The following AUTS2 variants were observed in gnomAD, a reference collection of about 807,000 sequenced individuals.
AUTS2 encodes activator of transcription and developmental regulator AUTS2, also known as autism susceptibility gene 2 protein.
AUTS2 carries 17 observed loss-of-function variants against 112.4 expected under a neutral mutation model. The observed-to-expected ratio is 0.15, with a 90% CI of 0.10 to 0.23. The LOEUF (loss-of-function observed/expected upper bound fraction) is 0.23. Ranked by LOEUF, AUTS2 falls within the 10% of genes least tolerant of loss-of-function variation. The pLI is 1.00. For missense variants in AUTS2, 1,510 were observed against 1,701.6 expected (o/e 0.89, Z 1.98); for synonymous variants, 751 against 702.7 (o/e 1.07, Z -1.09).
intron 1 of AUTS2, among the ~76,000 whole-genome samples, chr7:69,694,874 G>A (rs1285839315): frequency 3.3e-5 from 5 of 152,150 alleles, no homozygotes; most frequent in Non-Finnish European, 1.5e-5. Flanking sequence ...AACGCCAAAC[G>A]TCTTTGAAAT....
intron 2 of AUTS2, among the ~76,000 whole-genome samples, chr7:70,077,043 A>T (rs951771895): frequency 6.6e-6 from 1 of 152,286 alleles, no homozygotes; most frequent in South Asian, 2.1e-4. Flanking sequence ...AATTAGACTT[A>T]TTCTGGGGGG....
At chr7:70,520,652 T>C (rs1045938336) in intron 5 of AUTS2, among the ~76,000 whole-genome samples, 5 of 152,236 alleles carry the variant, frequency 3.3e-5, no homozygotes, top group Admixed American at 2.6e-4. Context: ...TGAGATTATT[T>C]TGACTTTTTA....
At chr7:70,214,301 C>G (rs759053629) in intron 4 of AUTS2, among the ~76,000 whole-genome samples, 1 of 152,140 alleles carries the variant, frequency 6.6e-6, no homozygotes, top group Non-Finnish European at 1.5e-5. Flanking sequence ...GGATTCCACC[C>G]AACCACATTT....
rs189613217 is a variant in AUTS2 at position 70,441,120 on chromosome 7, C to T, written c.690+5339C>T. On this transcript the variant is annotated intron_variant, in intron 5 of 18. Coordinates refer to ENST00000342771, the MANE Select transcript of AUTS2 (RefSeq NM_015570.4). Reference sequence around the variant, plus strand: ...TCTGTAGATACCGGGCATAAGTATACATGCAGTACACACATACACAATCTC... The same window carrying T: ...TCTGTAGATACCGGGCATAAGTATATATGCAGTACACACATACACAATCTC... Among the ~76,000 whole-genome samples the T allele has an allele frequency of 9.2e-5, 14 of 152,296 alleles. No homozygotes were observed. In the East Asian group the frequency reaches 2.7e-3, roughly 29 times the overall value.
chr7:70,548,861 A>G (rs1800900788), intron 5 of AUTS2, among the ~76,000 whole-genome samples: 1 of 150,632 alleles, frequency 6.6e-6, no homozygotes, highest in Non-Finnish European at 1.5e-5. Flanking sequence ...CTTTTTCAAG[A>G]TTGTTTTGGC....
chr7:70,091,606 A>G lies in AUTS2; in HGVS notation c.523-26526A>G, dbSNP rs1265649803. 3.3e-5 allele frequency among the ~76,000 whole-genome samples: 5 copies of G among 152,258 alleles called. No homozygotes were observed. The East Asian group carries it at 9.7e-4, about 29-fold the overall frequency. On this transcript the variant is annotated intron_variant, in intron 2 of 18. Coordinates refer to ENST00000342771, the MANE Select transcript of AUTS2 (RefSeq NM_015570.4). ...TCTGGGATTGCTGAGGTTTTCAAGG[A>G]AGCCAGGTACTAAACCACTCTGCTG...
chr7:70,535,596 G>A (rs932989554), intron 5 of AUTS2, among the ~76,000 whole-genome samples: 1 of 151,998 alleles, frequency 6.6e-6, no homozygotes, highest in African/African-American at 2.4e-5. Flanking sequence ...TGTATTTTTA[G>A]TAGAGACGGG....
At chr7:70,744,184 G>A (rs1204145104) in intron 6 of AUTS2, among the ~76,000 whole-genome samples, 1 of 152,210 alleles carries the variant, frequency 6.6e-6, no homozygotes, top group Non-Finnish European at 1.5e-5. Context: ...TTGTCCAAGT[G>A]TGGTGTTGAA....
At chr7:70,248,797 GATA>G (rs1335834589) in intron 4 of AUTS2, among the ~76,000 whole-genome samples, 6 of 152,114 alleles carry the variant, frequency 3.9e-5, no homozygotes, top group African/African-American at 7.2e-5. Context: ...GGAAAGGAAA[GATA>G]ATGATGAATA....
rs374412882 is a variant in AUTS2 at position 69,619,629 on chromosome 7, T to TGGCCTGATTATCCTCTGTG, written c.309+19673_309+19691dup. On this transcript the variant is annotated intron_variant, in intron 1 of 18. Coordinates refer to ENST00000342771, the MANE Select transcript of AUTS2 (RefSeq NM_015570.4). ...AGTGCTATCAATTATGTGTTATGTG[T>TGGCCTGATTATCCTCTGTG]GGCCTGATTATCCTCTGTGGGCCTT... 3.0e-3 allele frequency among the ~76,000 whole-genome samples: 454 copies of TGGCCTGATTATCCTCTGTG among 152,322 alleles called. 1 individual carries two copies. The highest frequency in any genetic ancestry group is 0.01 in the Middle Eastern group (3 of 294).
At chr7:70,779,243 A>C (rs1790903694) in intron 14 of AUTS2, among the ~76,000 whole-genome samples, 1 of 152,228 alleles carries the variant, frequency 6.6e-6, no homozygotes, top group African/African-American at 2.4e-5. Context: ...CTTTCATTAT[A>C]GCATTCCCTG....
chr7:70,399,561 T>A (rs1015066774), intron 4 of AUTS2, among the ~76,000 whole-genome samples: 1 of 152,188 alleles, frequency 6.6e-6, no homozygotes, highest in Non-Finnish European at 1.5e-5. Context: ...TTTGCCAGTC[T>A]TTTATAATTT....
At position 70,789,900 on chromosome 7, in the gene AUTS2, G is replaced by C. The variant is rs1163695433; in HGVS notation, c.2684G>C (p.Arg895Thr). Residue 895 changes from arginine (R) to threonine (T), a missense_variant, in exon 19 of 19, where the codon AGA becomes ACA. Arg to Thr is a moderately conservative substitution (Grantham distance 71). Around this residue, in one of 3 missense-constraint regions of AUTS2, gnomAD observed 788 missense variants for 797.6 expected, o/e 0.99. Coordinates refer to ENST00000342771, the MANE Select transcript of AUTS2 (RefSeq NM_015570.4). ...AAGGACAAACCCAAAGAGAGGGAGAGAGACCACTCGGAATCCCGCAAGGAC... is the reference window on the plus strand; with the variant it reads ...AAGGACAAACCCAAAGAGAGGGAGACAGACCACTCGGAATCCCGCAAGGAC... Reference protein sequence around the residue: ...REKDKPKERERDHSESRKDLA... With the variant: ...REKDKPKERETDHSESRKDLA... The C allele has an allele frequency of 5.6e-6, 9 of 1,614,034 alleles. No individual in the cohort carries two copies. The highest frequency in any genetic ancestry group is 7.6e-6 in the Non-Finnish European group (9 of 1,180,046).
chr7:69,889,845 T>A (rs150501134), intron 1 of AUTS2, among the ~76,000 whole-genome samples: 1 of 152,130 alleles, frequency 6.6e-6, no homozygotes, highest in Non-Finnish European at 1.5e-5. Flanking sequence ...GCCTGAGAAT[T>A]GTGTGGTGCT....
At chr7:70,714,811 C>T (rs1323153135) in intron 6 of AUTS2, among the ~76,000 whole-genome samples, 1 of 152,244 alleles carries the variant, frequency 6.6e-6, no homozygotes, top group Non-Finnish European at 1.5e-5. Context: ...AAGAAAACTT[C>T]ATAGGCATTG....
At position 70,278,585 on chromosome 7, in the gene AUTS2, A is replaced by ACATT. The variant is rs1173191146; in HGVS notation, c.660+144017_660+144018insTCAT. 7.6e-5 allele frequency among the ~76,000 whole-genome samples: 5 copies of ACATT among 66,016 alleles called. No homozygotes were observed. In the East Asian group the frequency reaches 2.3e-3, roughly 31 times the overall value. 43.3% of individuals were successfully genotyped at this position (66,016 alleles called of 152,430 possible). A position where few individuals can be genotyped will look rare whatever the true frequency, so the allele number is the denominator to read the frequency against. On this transcript the variant is annotated intron_variant, in intron 4 of 18. Coordinates refer to ENST00000342771, the MANE Select transcript of AUTS2 (RefSeq NM_015570.4). ...GAGTAAGACAGTCTCTCAAAAACAT[A>ACATT]CATACATACATACATACATACATAC...
chr7:69,933,331 A>G (rs943699979), intron 2 of AUTS2, among the ~76,000 whole-genome samples: 5 of 152,240 alleles, frequency 3.3e-5, no homozygotes, highest in African/African-American at 1.2e-4. Context: ...GATGACTTCT[A>G]TTTAATAGAT....
At chr7:70,286,690 G>C (rs890103047) in intron 4 of AUTS2, among the ~76,000 whole-genome samples, 1 of 152,118 alleles carries the variant, frequency 6.6e-6, no homozygotes, top group African/African-American at 2.4e-5. Flanking sequence ...ATATGCTACT[G>C]AATATAAGTG....
chr7:70,670,087 C>T (rs979347277), intron 5 of AUTS2, among the ~76,000 whole-genome samples: 7 of 152,300 alleles, frequency 4.6e-5, no homozygotes, highest in South Asian at 2.1e-4. Context: ...GTCCCTGCTA[C>T]GCTACACGCT....
Sources: gnomAD v4.1 joint callset for allele counts (sites outside exome capture counted in the v4.1 genomes callset) on GRCh38, gnomAD v4.1.1 for gene constraint, gnomAD v4.1.1 regional missense constraint, MANE v1.5 for transcripts, NCBI Gene and HGNC (gene_info 2026-07-23, HGNC 2026-07-21) for gene names.